Variants in PRKACA observed in about 807,000 individuals in gnomAD.
The protein encoded by PRKACA is cAMP-dependent protein kinase catalytic subunit alpha.
PRKACA carries 9 observed loss-of-function variants against 45.8 expected under a neutral mutation model. That is an observed-to-expected ratio of 0.20 (90% CI 0.12 to 0.34). The LOEUF (loss-of-function observed/expected upper bound fraction) is 0.34. Among genes scored for constraint, PRKACA ranks in the 10% least tolerant of loss-of-function variants. The pLI, the probability that PRKACA is intolerant of heterozygous loss-of-function variation, is 1.00. For synonymous variants in PRKACA, 160 were observed against 178.6 expected, an observed-to-expected ratio of 0.90 and a Z score of 0.83; for missense variants, 238 against 458.6, an observed-to-expected ratio of 0.52 and a Z score of 4.39.
Position 14,097,496 on chromosome 19 carries a change from G to T in PRKACA, c.643-13C>A, listed in dbSNP as rs182081185. Reference sequence around the variant, plus strand: ...CCTTGTTGTAGCCCTGGAGCAAGATGGGGGGGCACAGGGTGAGGAGGAGGC... The same window carrying T: ...CCTTGTTGTAGCCCTGGAGCAAGATTGGGGGGCACAGGGTGAGGAGGAGGC... On this transcript the variant is annotated splice_polypyrimidine_tract_variant and intron_variant, in intron 7 of 9. Coordinates refer to ENST00000308677, the MANE Select transcript of PRKACA (RefSeq NM_002730.4). This position sits in a 1 kb window ranked among gnomAD's most constrained non-coding sequence, Gnocchi z 5.4. 143 of 1,613,774 alleles carry T rather than the reference G, an allele frequency of 8.9e-5. No individual in the cohort carries two copies. The highest frequency in any genetic ancestry group is 1.2e-4 in the Non-Finnish European group (136 of 1,179,926).
chr19:14,097,971 C>A lies in PRKACA; in HGVS notation c.420-81G>T. 6.5e-7 allele frequency: 1 copy of A among 1,547,368 alleles called. No individual in the cohort carries two copies. Among genetic ancestry groups the A allele is most frequent in the South Asian group, 1.2e-5 (1 of 85,894 alleles). ...GCAGGTGGCCCTGCAGAGCCTACCC[C>A]AGAGGAAGACACCTCCAGTCCAGCC... On this transcript the variant is annotated intron_variant, in intron 5 of 9. Coordinates refer to ENST00000308677, the MANE Select transcript of PRKACA (RefSeq NM_002730.4). This position sits in a 1 kb window ranked among gnomAD's most constrained non-coding sequence, Gnocchi z 5.4.
intron 3 of PRKACA, among the ~76,000 whole-genome samples, chr19:14,106,031 G>T (rs1192322143): frequency 6.6e-6 from 1 of 152,012 alleles, no homozygotes; most frequent in Non-Finnish European, 1.5e-5. Context: ...CTGACCCCTG[G>T]GGCTGGCACA....
chr19:14,095,643 G>C (rs539398139), intron 8 of PRKACA, among the ~76,000 whole-genome samples: 1 of 151,458 alleles, frequency 6.6e-6, no homozygotes, highest in Non-Finnish European at 1.5e-5. Flanking sequence ...TCAGCCTCCC[G>C]AGTAGCTGGG....
At position 14,097,706 on chromosome 19, in the gene PRKACA, A is replaced by G. The variant is rs779770550; in HGVS notation, c.547-32T>C. 1.2e-6 allele frequency: 2 copies of G among 1,612,282 alleles called. No individual in the cohort carries two copies. Among genetic ancestry groups the G allele is most frequent in the South Asian group, 2.2e-5 (2 of 91,024 alleles). ...GCACAAGAACAGGCAGTTGGCAGGG[A>G]GGAAGGGTCCAGGCCACGGCTTCCC... On this transcript the variant is annotated intron_variant, in intron 6 of 9. Transcript: ENST00000308677. This position sits in a 1 kb window ranked among gnomAD's most constrained non-coding sequence, Gnocchi z 5.4.
At position 14,117,285 on chromosome 19, in the gene PRKACA, G is replaced by A. The variant is rs571486585; in HGVS notation, c.46+217C>T. ...GGCAGTGACAGCTGGGGGGGAGCAC[G>A]GTCTTTGCAGCATGGGGCGGCCCTA... is the stretch of plus-strand genomic sequence containing the variant. On this transcript the variant is annotated intron_variant, in intron 1 of 9. Coordinates refer to ENST00000308677, the MANE Select transcript of PRKACA (RefSeq NM_002730.4). Among the ~76,000 whole-genome samples the A allele has an allele frequency of 2.3e-3, 352 of 151,886 alleles. 2 individuals are homozygous for A. The highest frequency in any genetic ancestry group is 2.6e-3 in the Non-Finnish European group (177 of 67,834).
intron 1 of PRKACA, chr19:14,114,191 T>A: frequency 6.2e-7 from 1 of 1,606,144 alleles, no homozygotes. Flanking sequence ...GGCACTACGG[T>A]GGCTGGGAAG....
At chr19:14,102,961 G>C in intron 3 of PRKACA, 47 bp from the exon 4 acceptor site, 2 of 1,431,246 alleles carry the variant, frequency 1.4e-6, no homozygotes, top group Non-Finnish European at 9.9e-7. Flanking sequence ...GAGGTGAGAG[G>C]GGCCTCATTT....
intron 8 of PRKACA, among the ~76,000 whole-genome samples, chr19:14,094,363 A>T (rs902367662): frequency 6.6e-6 from 1 of 151,932 alleles, no homozygotes; most frequent in Non-Finnish European, 1.5e-5. Context: ...TAATTTTTGT[A>T]TTTTTAGTAG....
intron 1 of PRKACA, among the ~76,000 whole-genome samples, chr19:14,116,863 G>A (rs1214134731): frequency 6.6e-6 from 1 of 151,966 alleles, no homozygotes; most frequent in African/African-American, 2.4e-5. Flanking sequence ...GAGGCAGAGG[G>A]ACCCAGAAAG....
chr19:14,103,020 G>C, intron 3 of PRKACA, 106 bp from the exon 4 acceptor site: 1 of 896,594 alleles, frequency 1.1e-6, no homozygotes, highest in Non-Finnish European at 1.9e-6. Flanking sequence ...GGTTCCTTCA[G>C]CCAGAATCAT....
intron 1 of PRKACA, among the ~76,000 whole-genome samples, chr19:14,109,999 T>TACACACACAC (rs764855462): frequency 9.0e-5 from 5 of 55,462 alleles, no homozygotes; most frequent in African/African-American, 5.1e-4. Context: ...TATATATATA[T>TACACACACAC]ACACACACAC....
chr19:14,106,700 TGG>T, intron 3 of PRKACA, 58 bp downstream of exon 3: 1 of 1,607,246 alleles, frequency 6.2e-7, no homozygotes. Flanking sequence ...CTCTAAGGAG[TGG>T]GCACAGTCCA....
In PRKACA at chr19:14,097,355, C is replaced by T. The variant is rs1977289067; in HGVS notation, c.765+6G>A. 6.2e-7 allele frequency: 1 copy of T among 1,613,972 alleles called. No homozygotes were observed. Among genetic ancestry groups the T allele is most frequent in the African/African-American group, 1.3e-5 (1 of 74,920 alleles). ...CCAGGGCTGTGTCCCCACATCCGGA[C>T]CTCACCTTCCCAGAGACGATCTTCT... On this transcript the variant is annotated splice_donor_region_variant and intron_variant, in intron 8 of 9. Coordinates refer to ENST00000308677, the MANE Select transcript of PRKACA (RefSeq NM_002730.4). The surrounding 1 kb of genome is among the most constrained non-coding windows in gnomAD (Gnocchi z 5.4).
At chr19:14,114,147 G>A (rs1599351785) in intron 1 of PRKACA, 1 of 1,611,694 alleles carries the variant, frequency 6.2e-7, no homozygotes, top group East Asian at 2.2e-5. Flanking sequence ...CGCTGGAGTT[G>A]GAAGCCATCA....
chr19:14,101,146 G>A, intron 4 of PRKACA: 1 of 493,176 alleles, frequency 2.0e-6, no homozygotes, highest in Non-Finnish European at 3.7e-6. Context: ...AGAGAACTCT[G>A]TAGTACCTTG....
Position 14,117,717 on chromosome 19 carries a change from C to A in PRKACA, c.-170G>T. The A allele has an allele frequency of 2.0e-5, 4 of 196,358 alleles. No individual in the cohort carries two copies. Among genetic ancestry groups the A allele is most frequent in the Non-Finnish European group, 3.7e-5 (4 of 108,778 alleles). The allele number at this position is 196,358 out of a possible 1,614,324, so 12.2% of individuals were successfully genotyped here. A position where few individuals can be genotyped will look rare whatever the true frequency, so the allele number is the denominator to read the frequency against. ...CCCCTGCTTCCCGCGTCTCTCCGCG[C>A]CCGCCCGCCCGGGAACCTCAGCCCA... On this transcript the variant is annotated 5_prime_UTR_variant, in exon 1 of 10. Coordinates refer to ENST00000308677, the MANE Select transcript of PRKACA (RefSeq NM_002730.4).
chr19:14,111,042 A>G (rs1354993364), intron 1 of PRKACA, among the ~76,000 whole-genome samples: 2 of 152,276 alleles, frequency 1.3e-5, no homozygotes, highest in East Asian at 3.9e-4. Context: ...AGCCACCCCC[A>G]CTACCTGTCT....
At chr19:14,116,191 G>A (rs1967102994) in intron 1 of PRKACA, among the ~76,000 whole-genome samples, 1 of 152,172 alleles carries the variant, frequency 6.6e-6, no homozygotes, top group African/African-American at 2.4e-5. Context: ...GTGGACAGGG[G>A]ATCCCAGCTG....
At chr19:14,096,037 T>G (rs1268998969) in intron 8 of PRKACA, among the ~76,000 whole-genome samples, 11 of 142,836 alleles carry the variant, frequency 7.7e-5, no homozygotes, top group East Asian at 6.0e-4. Context: ...TTTTAGTTTT[T>G]TTTTTTTTTT....
Sources: gnomAD v4.1 joint callset for allele counts (sites outside exome capture counted in the v4.1 genomes callset) on GRCh38, gnomAD v4.1.1 for gene constraint, Gnocchi (gnomAD v3.1) non-coding constraint, MANE v1.5 for transcripts, NCBI Gene and HGNC (gene_info 2026-07-23, HGNC 2026-07-21) for gene names.